ADAMTS17: variants seen among roughly 807,000 people sequenced by gnomAD.
The protein encoded by ADAMTS17 is ADAM metallopeptidase with thrombospondin type 1 motif 17.
Under a neutral mutation model 141.5 loss-of-function variants are expected in ADAMTS17, and 113 were observed. The ratio of observed to expected loss-of-function variants is 0.80; its 90% confidence interval spans 0.69 to 0.93. The LOEUF (loss-of-function observed/expected upper bound fraction) is 0.93. Ranked by LOEUF, ADAMTS17 falls within the 40% of genes least tolerant of loss-of-function variation. The pLI is 0.00. For synonymous variants in ADAMTS17, 768 were observed against 630.6 expected (o/e 1.22, Z -3.27); for missense variants, 1,659 against 1,517.9 (o/e 1.09, Z -1.54).
chr15:100,075,677 T>G (rs1239495754), intron 15 of ADAMTS17, among the ~76,000 whole-genome samples: 2 of 152,256 alleles, frequency 1.3e-5, no homozygotes, highest in South Asian at 2.1e-4. Flanking sequence ...CTATATTATC[T>G]GTACACATAT....
intron 2 of ADAMTS17, among the ~76,000 whole-genome samples, chr15:100,332,531 A>G (rs1248196798): frequency 6.6e-6 from 1 of 152,230 alleles, no homozygotes; most frequent in African/African-American, 2.4e-5. Context: ...AAGCCCCCCC[A>G]GGATCTAGCA....
In ADAMTS17 at chr15:100,101,153, CCCAACTCTCTGCCA is replaced by C. The variant is rs537369967; in HGVS notation, c.2017-4691_2017-4678del. ...TTCCCTCTGCCTGGAGCTCTCTGCC[CCCAACTCTCTGCCA>C]GGCTGGCTCTTCCTCAAAGGCTGTC... is the stretch of plus-strand genomic sequence containing the variant. On this transcript the variant is annotated intron_variant, in intron 14 of 21. Coordinates refer to ENST00000268070, the MANE Select transcript of ADAMTS17 (RefSeq NM_139057.4). Among the ~76,000 whole-genome samples the C allele has an allele frequency of 9.2e-5, 14 of 152,344 alleles. No homozygotes were observed. The South Asian group carries it at 2.3e-3, about 25-fold the overall frequency.
intron 3 of ADAMTS17, among the ~76,000 whole-genome samples, chr15:100,316,678 C>T (rs181107864): frequency 1.5e-3 from 231 of 152,370 alleles, no homozygotes; most frequent in Non-Finnish European, 2.3e-3. Context: ...AGAGAGATGA[C>T]ACCTTACATT....
At chr15:100,275,013 T>C (rs956896535) in intron 4 of ADAMTS17, among the ~76,000 whole-genome samples, 7 of 152,206 alleles carry the variant, frequency 4.6e-5, no homozygotes, top group African/African-American at 1.2e-4. Flanking sequence ...CAAATAAATA[T>C]GGAATTGTAA....
At chr15:100,082,629 G>C (rs371631477) in intron 15 of ADAMTS17, among the ~76,000 whole-genome samples, 10 of 151,942 alleles carry the variant, frequency 6.6e-5, no homozygotes, top group Middle Eastern at 3.4e-3. Context: ...TTTAATTTTT[G>C]AGATCTCTTT....
chr15:100,311,275 G>C (rs1392849712), intron 3 of ADAMTS17, among the ~76,000 whole-genome samples: 2 of 152,274 alleles, frequency 1.3e-5, no homozygotes, highest in East Asian at 3.9e-4. Context: ...GGAGCTGGCA[G>C]GGACCTCTCT....
At chr15:100,082,715 C>G (rs1476789393) in intron 15 of ADAMTS17, among the ~76,000 whole-genome samples, 1 of 149,578 alleles carries the variant, frequency 6.7e-6, no homozygotes, top group Non-Finnish European at 1.5e-5. Context: ...AATCTTTCTA[C>G]AAATAGTTAT....
intron 8 of ADAMTS17, among the ~76,000 whole-genome samples, chr15:100,173,199 C>A (rs1393206375): frequency 3.3e-5 from 5 of 151,730 alleles, no homozygotes; most frequent in African/African-American, 1.2e-4. Context: ...TTTTTCTTTT[C>A]TTTTCTCTTT....
At chr15:100,077,691 C>G (rs193286112) in intron 15 of ADAMTS17, among the ~76,000 whole-genome samples, 1 of 152,168 alleles carries the variant, frequency 6.6e-6, no homozygotes, top group Admixed American at 6.5e-5. Context: ...AAATGCTTGT[C>G]CCCTAAGATA....
intron 6 of ADAMTS17, chr15:100,256,930 A>ATGG (rs1194823950): frequency 1.3e-5 from 2 of 152,670 alleles, no homozygotes; most frequent in East Asian, 3.9e-4. Context: ...AGTCCCAGAC[A>ATGG]CAGCTGCAGA....
intron 18 of ADAMTS17, among the ~76,000 whole-genome samples, chr15:100,019,279 A>C (rs1402332506): frequency 6.6e-6 from 1 of 152,198 alleles, no homozygotes; most frequent in Non-Finnish European, 1.5e-5. Flanking sequence ...GATGAGATGC[A>C]TACATACCAA....
At chr15:100,060,431 T>G (rs1021115720) in intron 15 of ADAMTS17, among the ~76,000 whole-genome samples, 1 of 152,202 alleles carries the variant, frequency 6.6e-6, no homozygotes, top group African/African-American at 2.4e-5. Flanking sequence ...ACCATCCTGG[T>G]CTTCCAGGCA....
At chr15:100,072,130 A>G (rs984176906) in intron 15 of ADAMTS17, among the ~76,000 whole-genome samples, 3 of 150,190 alleles carry the variant, frequency 2.0e-5, no homozygotes, top group African/African-American at 7.4e-5. Flanking sequence ...ACAGAGAGCC[A>G]AATCATGAGT....
chr15:100,085,386 C>T (rs988489116), intron 15 of ADAMTS17, among the ~76,000 whole-genome samples: 3 of 135,340 alleles, frequency 2.2e-5, no homozygotes, highest in African/African-American at 3.3e-5. Context: ...CTGAAAGTGA[C>T]GAGGAGAACG....
chr15:100,233,420 C>T (rs185954882), intron 7 of ADAMTS17, among the ~76,000 whole-genome samples: 2 of 152,196 alleles, frequency 1.3e-5, no homozygotes, highest in African/African-American at 4.8e-5. Flanking sequence ...ACAAACGGAA[C>T]TGGAAATTCC....
rs148557397 is a variant in ADAMTS17 at position 100,000,089 on chromosome 15, C to T, written c.2592-2500G>A. ...ATAAACTGCTTACAACAGTGTCTGG[C>T]ACACCTGAAGCCCGTGTAAATGTAA... On this transcript the variant is annotated intron_variant, in intron 18 of 21. Transcript: ENST00000268070. Among the ~76,000 whole-genome samples, 3 of 152,294 alleles carry T rather than the reference C, an allele frequency of 2.0e-5. No homozygotes were observed. In the East Asian group the frequency reaches 5.8e-4, roughly 29 times the overall value.
chr15:99,975,313 G>A (rs1421889473), intron 21 of ADAMTS17, among the ~76,000 whole-genome samples: 1 of 152,194 alleles, frequency 6.6e-6, no homozygotes, highest in African/African-American at 2.4e-5. Context: ...GGGTTCAAGC[G>A]ATTCTCCTGC....
chr15:100,169,025 C>T (rs561628141), intron 8 of ADAMTS17, among the ~76,000 whole-genome samples: 23 of 152,258 alleles, frequency 1.5e-4, no homozygotes, highest in East Asian at 5.8e-4. Context: ...GGGGCAGGCA[C>T]GGTAAAACTG....
Position 100,142,773 on chromosome 15 carries a change from G to C in ADAMTS17, c.1474-9458C>G, listed in dbSNP as rs900675627. 2.6e-5 allele frequency among the ~76,000 whole-genome samples: 4 copies of C among 152,176 alleles called. No individual in the cohort carries two copies. In the East Asian group the frequency reaches 7.7e-4, roughly 29 times the overall value. On this transcript the variant is annotated intron_variant, in intron 10 of 21. Coordinates refer to ENST00000268070, the MANE Select transcript of ADAMTS17 (RefSeq NM_139057.4). ...CCAAAAGGCAATTAACGAGAAAAGAGAAAGGAGGGAGTATTACGTAGAAAC... is the reference window on the plus strand; with the variant it reads ...CCAAAAGGCAATTAACGAGAAAAGACAAAGGAGGGAGTATTACGTAGAAAC...
Sources: allele counts gnomAD v4.1 joint callset (sites outside exome capture counted in the v4.1 genomes callset), GRCh38; gene constraint gnomAD v4.1.1; transcripts MANE v1.5; gene names NCBI Gene and HGNC (gene_info 2026-07-23, HGNC 2026-07-21).